The following EVL variants were observed in gnomAD, a reference collection of about 807,000 sequenced individuals.
The protein encoded by EVL is ena/VASP-like protein.
EVL carries 21 observed loss-of-function variants against 59.6 expected under a neutral mutation model. The ratio of observed to expected loss-of-function variants is 0.35; its 90% CI spans 0.25 to 0.51. The LOEUF is 0.51. Ranked by LOEUF, EVL falls within the 20% of genes least tolerant of loss-of-function variation. The pLI is 0.97. For missense variants in EVL, 462 were observed against 546.6 expected (o/e 0.85, Z 1.54); for synonymous variants, 198 against 203.5 (o/e 0.97, Z 0.23).
In EVL at chr14:100,135,985, C is replaced by G. The variant is rs530391227; in HGVS notation, c.964+17C>G. ...ACTCCTCAGGTGAGAGGGCGCCCCCCGCTGACCCCAGTGAGGCATGAGGTC... is the reference window on the plus strand; with the variant it reads ...ACTCCTCAGGTGAGAGGGCGCCCCCGGCTGACCCCAGTGAGGCATGAGGTC... On this transcript the variant is annotated intron_variant, in intron 9 of 13. Transcript: ENST00000392920. 3.6e-5 allele frequency: 58 copies of G among 1,613,122 alleles called. No homozygotes were observed. The highest frequency in any genetic ancestry group is 5.3e-5 in the African/African-American group (4 of 74,936).
At chr14:100,125,978 A>G (rs1262580141) in intron 4 of EVL, among the ~76,000 whole-genome samples, 2 of 152,142 alleles carry the variant, frequency 1.3e-5, no homozygotes, top group Admixed American at 6.5e-5. Flanking sequence ...TCCACAGCAC[A>G]TGTTCAGTTT....
intron 1 of EVL, among the ~76,000 whole-genome samples, chr14:100,027,546 CT>C (rs1242939786): frequency 6.6e-6 from 1 of 152,080 alleles, no homozygotes; most frequent in African/African-American, 2.4e-5. Context: ...ACGTAATGTC[CT>C]CCAGTTTCAT....
intron 2 of EVL, among the ~76,000 whole-genome samples, chr14:100,089,127 A>G (rs1289581228): frequency 6.6e-6 from 1 of 152,258 alleles, no homozygotes; most frequent in African/African-American, 2.4e-5. Flanking sequence ...ATCCATTCAT[A>G]TATCTTCAAA....
At position 100,014,240 on chromosome 14, in the gene EVL, C is replaced by G. The variant is rs553775239; in HGVS notation, c.5+42183C>G. ...AGCCTCTGGTAACCATCATTCTACTCTCTATTCTACTCACAAGTTCGATTG... is the reference window on the plus strand; with the variant it reads ...AGCCTCTGGTAACCATCATTCTACTGTCTATTCTACTCACAAGTTCGATTG... On this transcript the variant is annotated intron_variant, in intron 1 of 13. Coordinates refer to the EVL transcript ENST00000402714. Among the ~76,000 whole-genome samples, 9 of 152,306 alleles carry G rather than the reference C, an allele frequency of 5.9e-5. No individual in the cohort carries two copies. In the South Asian group the frequency reaches 1.9e-3, roughly 32 times the overall value.
intron 3 of EVL, among the ~76,000 whole-genome samples, chr14:100,120,042 T>A (rs1887598025): frequency 6.6e-6 from 1 of 152,186 alleles, no homozygotes; most frequent in African/African-American, 2.4e-5. Flanking sequence ...CTCACAGCCC[T>A]GAGAAAAAGG....
chr14:100,116,929 CT>C (rs1887386026), intron 3 of EVL, among the ~76,000 whole-genome samples: 1 of 152,224 alleles, frequency 6.6e-6, no homozygotes, highest in Non-Finnish European at 1.5e-5. Context: ...ACACACCTAA[CT>C]TACTGGCAGA....
At chr14:99,975,845 T>A (rs1239149746) in intron 1 of EVL, among the ~76,000 whole-genome samples, 1 of 152,088 alleles carries the variant, frequency 6.6e-6, no homozygotes, top group East Asian at 1.9e-4. Context: ...TTTCACTATA[T>A]CTTCTATGTC....
chr14:99,973,629 A>G (rs2060750228), intron 1 of EVL, among the ~76,000 whole-genome samples: 1 of 152,022 alleles, frequency 6.6e-6, no homozygotes, highest in Non-Finnish European at 1.5e-5. Context: ...CACCTGGCTG[A>G]TTTTTGTATT....
chr14:100,045,816 T>G (rs2061537386), intron 1 of EVL, among the ~76,000 whole-genome samples: 1 of 152,246 alleles, frequency 6.6e-6, no homozygotes, highest in Admixed American at 6.5e-5. Context: ...ATGGGCAGAA[T>G]GAATTATGGA....
At chr14:100,067,448 G>A (rs1190963) in intron 1 of EVL, among the ~76,000 whole-genome samples, 116,340 of 152,178 alleles carry the variant, frequency 0.76, 45,540 homozygotes, top group Non-Finnish European at 0.84. Context: ...ACGTTATTTA[G>A]TTATCGCAAT....
intron 2 of EVL, among the ~76,000 whole-genome samples, chr14:100,085,997 C>T (rs1007633369): frequency 1.2e-4 from 19 of 152,078 alleles, no homozygotes; most frequent in African/African-American, 2.2e-4. Context: ...GGCGTGGTGG[C>T]GGGCACCTGT....
intron 1 of EVL, among the ~76,000 whole-genome samples, chr14:100,073,644 C>G (rs1169865408): frequency 1.3e-5 from 2 of 151,954 alleles, no homozygotes; most frequent in Non-Finnish European, 2.9e-5. Flanking sequence ...CAAATAAATG[C>G]AGGAAGAAAG....
At chr14:100,050,493 G>A (rs796979157) in intron 1 of EVL, among the ~76,000 whole-genome samples, 27 of 151,792 alleles carry the variant, frequency 1.8e-4, no homozygotes, top group African/African-American at 6.5e-4. Context: ...GGGAGTACAG[G>A]TGCCCGCCAT....
chr14:100,123,693 G>A (rs1566716938), intron 4 of EVL, 91 bp downstream of exon 4: 12 of 1,350,470 alleles, frequency 8.9e-6, no homozygotes, highest in Non-Finnish European at 1.2e-5. Flanking sequence ...TGCACCAGCA[G>A]CCAAGGCCAG....
rs79477546 is a variant in EVL, at chr14:99,972,603, T to C, written c.5+546T>C. Among the ~76,000 whole-genome samples, 2 of 152,018 alleles carry C rather than the reference T, an allele frequency of 1.3e-5. No individual in the cohort carries two copies. The highest frequency in any genetic ancestry group is 4.8e-5 in the African/African-American group (2 of 41,454). On this transcript the variant is annotated intron_variant, in intron 1 of 13. Transcript: ENST00000402714. This position sits in a 1 kb window ranked among gnomAD's most constrained non-coding sequence, Gnocchi z 4.4. ...TTCGTCTCCTAATTCTCAACCCCCCTTTTTTTTCTTCTTGCACGCCAGTAA... is the reference window on the plus strand; with the variant it reads ...TTCGTCTCCTAATTCTCAACCCCCCCTTTTTTTCTTCTTGCACGCCAGTAA...
At chr14:99,987,953 T>C (rs1402812135) in intron 1 of EVL, among the ~76,000 whole-genome samples, 2 of 141,182 alleles carry the variant, frequency 1.4e-5, no homozygotes, top group Non-Finnish European at 3.0e-5. Flanking sequence ...TCACTCTTGC[T>C]GCCCAGGCTG....
chr14:100,045,605 T>G (rs2061535009), intron 1 of EVL, among the ~76,000 whole-genome samples: 1 of 152,240 alleles, frequency 6.6e-6, no homozygotes, highest in African/African-American at 2.4e-5. Context: ...TCTTCCATTT[T>G]GTCAATGAAC....
In EVL at chr14:100,084,894, G is replaced by T. The variant is rs137911905; in HGVS notation, c.180+39G>T. ...TTACAGATTATACCCGTGAGCCTGCGCACCACCTCCTCACCGCCCACCCCT... is the reference window on the plus strand; with the variant it reads ...TTACAGATTATACCCGTGAGCCTGCTCACCACCTCCTCACCGCCCACCCCT... On this transcript the variant is annotated intron_variant, in intron 2 of 13. Transcript: ENST00000392920. The T allele has an allele frequency of 6.2e-6, 10 of 1,605,404 alleles. No individual in the cohort carries two copies. The East Asian group carries it at 2.0e-4, about 32-fold the overall frequency.
Position 100,135,478 on chromosome 14 carries a change from C to T in EVL, c.901-427C>T, listed in dbSNP as rs544745927. ...TTAGGTGTCCCCACTGCTGGATGAACACGTCCACTGTTCGAGCACTGCCAC... is the reference window on the plus strand; with the variant it reads ...TTAGGTGTCCCCACTGCTGGATGAATACGTCCACTGTTCGAGCACTGCCAC... On this transcript the variant is annotated intron_variant, in intron 8 of 13. Transcript: ENST00000392920. 9.5e-5 allele frequency: 16 copies of T among 168,788 alleles called. No homozygotes were observed. The East Asian group carries it at 2.7e-3, about 28-fold the overall frequency. 10.5% of individuals were successfully genotyped at this position (168,788 alleles called of 1,614,324 possible). A position where few individuals can be genotyped will look rare whatever the true frequency, so the allele number is the denominator to read the frequency against.
Sources: allele counts gnomAD v4.1 joint callset (sites outside exome capture counted in the v4.1 genomes callset), GRCh38; gene constraint gnomAD v4.1.1; non-coding constraint Gnocchi (gnomAD v3.1); transcripts MANE v1.5; gene names NCBI Gene and HGNC (gene_info 2026-07-23, HGNC 2026-07-21).